Variants in TTC28 observed in about 807,000 individuals in gnomAD.
TTC28 encodes the protein tetratricopeptide repeat domain 28.
Under a neutral mutation model 198.0 loss-of-function variants are expected in TTC28, and 61 were observed. The observed-to-expected ratio is 0.31, with a 90% CI of 0.25 to 0.38. The LOEUF (loss-of-function observed/expected upper bound fraction) is 0.38. Among genes scored for constraint, TTC28 ranks in the 10% least tolerant of loss-of-function variants. TTC28 has a pLI of 1.00. For missense variants in TTC28, 2,678 were observed against 3,164.0 expected, an observed-to-expected ratio of 0.85 and a Z score of 3.69; for synonymous variants, 1,171 against 1,297.8, an observed-to-expected ratio of 0.90 and a Z score of 2.10.
At chr22:28,679,369 C>T (rs1310338227) in intron 1 of TTC28, among the ~76,000 whole-genome samples, 4 of 152,204 alleles carry the variant, frequency 2.6e-5, no homozygotes, top group African/African-American at 9.6e-5. Flanking sequence ...CACCCCCCAC[C>T]CCGGTGTGCG....
At position 28,105,674 on chromosome 22, in the gene TTC28, C is replaced by T; in HGVS notation, c.2912G>A (p.Gly971Glu). The T allele has an allele frequency of 1.3e-6, 2 of 1,551,842 alleles. No homozygotes were observed. Among genetic ancestry groups the T allele is most frequent in the Non-Finnish European group, 8.7e-7 (1 of 1,147,034 alleles). Residue 971 changes from glycine to glutamate, a missense_variant, in exon 8 of 23, where the codon GGG becomes GAG. By Grantham distance (98) the Gly-to-Glu change is moderately conservative. Transcript: ENST00000397906. ...GELGSLHSQLGNYEQAISCLE... is the reference protein window; with the variant it reads ...GELGSLHSQLENYEQAISCLE... The stretch of plus-strand genomic sequence containing the variant: ...GCAGGAAATGGCTTGTTCGTAATTC[C>T]CTAATTGGCTGTGCAGACTTCCCAG...
intron 11 of TTC28, 46 bp from the exon 12 acceptor site, chr22:28,094,291 G>A: frequency 3.4e-6 from 5 of 1,465,762 alleles, no homozygotes; most frequent in Non-Finnish European, 4.5e-6. Context: ...ATTAGGGTCA[G>A]AGAAAGGAGA....
intron 1 of TTC28, among the ~76,000 whole-genome samples, chr22:28,662,448 T>C (rs902464039): frequency 6.6e-6 from 1 of 152,228 alleles, no homozygotes; most frequent in Non-Finnish European, 1.5e-5. Flanking sequence ...TAAAGTTACT[T>C]AACCTCTCTG....
intron 13 of TTC28, among the ~76,000 whole-genome samples, chr22:28,016,749 G>C (rs958085201): frequency 1.3e-5 from 2 of 152,224 alleles, no homozygotes; most frequent in African/African-American, 4.8e-5. Context: ...CCCAGCTCTA[G>C]GGAGTTCTCA....
chr22:28,537,418 G>A (rs866488763), intron 2 of TTC28, among the ~76,000 whole-genome samples: 3 of 151,768 alleles, frequency 2.0e-5, no homozygotes, highest in Admixed American at 6.6e-5. Context: ...TTTAGAATAC[G>A]ATATTGTTTC....
intron 2 of TTC28, among the ~76,000 whole-genome samples, chr22:28,502,310 C>T (rs1033777326): frequency 6.6e-6 from 1 of 152,038 alleles, no homozygotes; most frequent in Non-Finnish European, 1.5e-5. Context: ...GCTAGCAACA[C>T]AGTAGGAATC....
Position 28,351,381 on chromosome 22 carries a change from G to T in TTC28, c.382-44738C>A, listed in dbSNP as rs1323007426. 2.6e-5 allele frequency among the ~76,000 whole-genome samples: 4 copies of T among 152,152 alleles called. No individual in the cohort carries two copies. The East Asian group carries it at 7.7e-4, about 29-fold the overall frequency. On this transcript the variant is annotated intron_variant, in intron 2 of 22. Coordinates refer to ENST00000397906, the MANE Select transcript of TTC28 (RefSeq NM_001145418.2). ...AAAAATACTACCAAAACAAAAAGAA[G>T]ATCATATCTTAATATAGTCTTCTAT...
intron 2 of TTC28, among the ~76,000 whole-genome samples, chr22:28,393,128 C>A (rs149100362): frequency 6.6e-6 from 1 of 152,142 alleles, no homozygotes; most frequent in South Asian, 2.1e-4. Flanking sequence ...AGCAATCCTC[C>A]GACCTTGGCC....
intron 2 of TTC28, among the ~76,000 whole-genome samples, chr22:28,390,274 A>G (rs2146061570): frequency 6.6e-6 from 1 of 152,082 alleles, no homozygotes; most frequent in African/African-American, 2.4e-5. Context: ...TATGTGGTCA[A>G]TTTTGGAACA....
chr22:28,020,697 C>T (rs1938555805), intron 13 of TTC28, among the ~76,000 whole-genome samples: 2 of 152,294 alleles, frequency 1.3e-5, no homozygotes, highest in Middle Eastern at 6.8e-3. Context: ...CAGCTGCTCC[C>T]TGGCTTCCCA....
At chr22:28,139,981 T>C (rs1294592243) in intron 6 of TTC28, among the ~76,000 whole-genome samples, 1 of 152,104 alleles carries the variant, frequency 6.6e-6, no homozygotes, top group East Asian at 1.9e-4. Flanking sequence ...GCAGCTCCCA[T>C]GATGAGGAGG....
intron 1 of TTC28, among the ~76,000 whole-genome samples, chr22:28,646,429 T>A (rs2051467677): frequency 6.6e-6 from 1 of 152,158 alleles, no homozygotes; most frequent in Non-Finnish European, 1.5e-5. Flanking sequence ...TAGAAATCTA[T>A]CCCATGCTCA....
intron 2 of TTC28, among the ~76,000 whole-genome samples, chr22:28,544,325 GAAT>G (rs2049489690): frequency 6.6e-6 from 1 of 152,108 alleles, no homozygotes. Flanking sequence ...ACAACAATCA[GAAT>G]AATAAATAAA....
intron 2 of TTC28, among the ~76,000 whole-genome samples, chr22:28,324,810 T>C (rs1446744847): frequency 6.6e-6 from 1 of 152,154 alleles, no homozygotes; most frequent in African/African-American, 2.4e-5. Context: ...ACTGGAAGCA[T>C]TCCCTTTGAA....
At chr22:28,309,954 T>C (rs1479668229) in intron 2 of TTC28, among the ~76,000 whole-genome samples, 2 of 152,162 alleles carry the variant, frequency 1.3e-5, no homozygotes, top group Non-Finnish European at 2.9e-5. Flanking sequence ...TTTTCAAGTC[T>C]TCCATTCATT....
At chr22:28,504,517 T>C (rs1167131523) in intron 2 of TTC28, among the ~76,000 whole-genome samples, 10 of 152,184 alleles carry the variant, frequency 6.6e-5, no homozygotes, top group Admixed American at 6.5e-4. Flanking sequence ...TGATGTGGTG[T>C]TTACCTGTAA....
intron 1 of TTC28, among the ~76,000 whole-genome samples, chr22:28,662,712 T>C (rs1337223232): frequency 6.6e-6 from 1 of 152,232 alleles, no homozygotes; most frequent in Non-Finnish European, 1.5e-5. Flanking sequence ...TCATAAAATA[T>C]ATTTGGAATT....
intron 12 of TTC28, among the ~76,000 whole-genome samples, chr22:28,040,099 C>T (rs1215472123): frequency 6.6e-6 from 1 of 152,140 alleles, no homozygotes; most frequent in Non-Finnish European, 1.5e-5. Context: ...TAACCCATAG[C>T]CTACCAAACA....
chr22:28,277,174 A>C (rs1475781454), intron 5 of TTC28, among the ~76,000 whole-genome samples: 1 of 152,214 alleles, frequency 6.6e-6, no homozygotes, highest in Admixed American at 6.5e-5. Flanking sequence ...AGCAGTGGAC[A>C]TCTGGTTAGC....
Sources: allele counts gnomAD v4.1 joint callset (sites outside exome capture counted in the v4.1 genomes callset), GRCh38; gene constraint gnomAD v4.1.1; transcripts MANE v1.5; gene names NCBI Gene and HGNC (gene_info 2026-07-23, HGNC 2026-07-21).